Variants in DLEU7 observed in about 807,000 individuals in gnomAD.
DLEU7 encodes deleted in lymphocytic leukemia 7, also known as leukemia-associated protein 7.
A neutral mutation model predicts 16.0 loss-of-function variants in DLEU7; 17 were observed. The observed-to-expected ratio is 1.06, with a 90% CI of 0.73 to 1.59. The LOEUF (loss-of-function observed/expected upper bound fraction) is 1.59, where lower values mean the gene tolerates loss of function less well. DLEU7 is among the 40% of genes most tolerant of loss of function. The pLI is 0.00. For synonymous variants in DLEU7, 113 were observed against 139.8 expected, an observed-to-expected ratio of 0.81 and a Z score of 1.35; for missense variants, 308 against 314.9, an observed-to-expected ratio of 0.98 and a Z score of 0.17.
At chr13:50,763,303 G>T (rs1477648499) in intron 1 of DLEU7, among the ~76,000 whole-genome samples, 1 of 152,160 alleles carries the variant, frequency 6.6e-6, no homozygotes, top group East Asian at 1.9e-4. Context: ...AGAGAACTAT[G>T]ATCACATTTG....
chr13:50,806,040 C>T (rs1876381456), intron 1 of DLEU7, among the ~76,000 whole-genome samples: 1 of 152,172 alleles, frequency 6.6e-6, no homozygotes, highest in Non-Finnish European at 1.5e-5. Flanking sequence ...GTATGTATCA[C>T]TTAGAATTGT....
chr13:50,769,692 T>C (rs1875235394), intron 1 of DLEU7, among the ~76,000 whole-genome samples: 1 of 152,178 alleles, frequency 6.6e-6, no homozygotes, highest in Non-Finnish European at 1.5e-5. Context: ...TACTGTACAC[T>C]TGTAGTATAG....
At chr13:50,825,719 A>T (rs1321752817) in intron 1 of DLEU7, among the ~76,000 whole-genome samples, 2 of 152,182 alleles carry the variant, frequency 1.3e-5, no homozygotes, top group Non-Finnish European at 2.9e-5. Flanking sequence ...GCCACCTATT[A>T]TCTGATGATG....
intron 1 of DLEU7, among the ~76,000 whole-genome samples, chr13:50,753,728 C>T (rs1874662863): frequency 1.3e-5 from 2 of 152,336 alleles, no homozygotes; most frequent in South Asian, 2.1e-4. Flanking sequence ...CAGCTCAGGC[C>T]TTGACCATCC....
intron 1 of DLEU7, among the ~76,000 whole-genome samples, chr13:50,784,114 G>A (rs1875734426): frequency 6.6e-6 from 1 of 152,242 alleles, no homozygotes; most frequent in Admixed American, 6.5e-5. Context: ...GCTGTGAGAT[G>A]TTAATCAAAC....
chr13:50,837,217 C>A (rs1877501120), intron 1 of DLEU7, among the ~76,000 whole-genome samples: 1 of 152,198 alleles, frequency 6.6e-6, no homozygotes, highest in Non-Finnish European at 1.5e-5. Context: ...GGGTACCACA[C>A]CATTTCCAGC....
intron 1 of DLEU7, among the ~76,000 whole-genome samples, chr13:50,836,068 C>T (rs1262923717): frequency 1.3e-5 from 2 of 152,208 alleles, no homozygotes; most frequent in African/African-American, 4.8e-5. Context: ...TACCATGTCA[C>T]CTTCAAAATC....
At chr13:50,755,086 A>G (rs997721948) in intron 1 of DLEU7, among the ~76,000 whole-genome samples, 4 of 152,142 alleles carry the variant, frequency 2.6e-5, no homozygotes, top group South Asian at 4.1e-4. Flanking sequence ...TTTCCTTTAT[A>G]GGTTAACTGG....
chr13:50,746,815 G>T (rs571980391), intron 1 of DLEU7, among the ~76,000 whole-genome samples: 2 of 152,162 alleles, frequency 1.3e-5, no homozygotes, highest in Non-Finnish European at 2.9e-5. Context: ...ACCAAAAAAG[G>T]ATCAGCATTC....
Position 50,816,160 on chromosome 13 carries a change from T to C in DLEU7, c.459+27028A>G, listed in dbSNP as rs1330113283. 2.0e-5 allele frequency among the ~76,000 whole-genome samples: 3 copies of C among 152,120 alleles called. No individual in the cohort carries two copies. The East Asian group carries it at 5.8e-4, about 29-fold the overall frequency. On this transcript the variant is annotated intron_variant, in intron 1 of 1. Transcript: ENST00000400393. ...AGGCTATTAATTCCATTATGGTTTA[T>C]ATGACTGTTCTTTTATACATAAATA...
At chr13:50,735,449 T>G (rs933301084) in intron 1 of DLEU7, among the ~76,000 whole-genome samples, 1 of 152,128 alleles carries the variant, frequency 6.6e-6, no homozygotes. Flanking sequence ...AAATTCACTC[T>G]TTGTATACTA....
chr13:50,757,895 T>G (rs1874809831), intron 1 of DLEU7, among the ~76,000 whole-genome samples: 2 of 152,182 alleles, frequency 1.3e-5, no homozygotes, highest in African/African-American at 4.8e-5. Flanking sequence ...ATTCAGGCAG[T>G]GATTTACACC....
At chr13:50,752,453 ATTGGTGGGTTC>A (rs2137735578) in intron 1 of DLEU7, among the ~76,000 whole-genome samples, 1 of 152,202 alleles carries the variant, frequency 6.6e-6, no homozygotes, top group Admixed American at 6.5e-5. Context: ...TGTGTCCGGA[ATTGGTGGGTTC>A]TTGGTCTCAC....
chr13:50,821,044 T>C (rs1876889520), downstream of DLEU7, among the ~76,000 whole-genome samples: 2 of 152,060 alleles, frequency 1.3e-5, no homozygotes, highest in African/African-American at 4.8e-5. Context: ...ATACTGAACA[T>C]TGCAGGTCTA....
intron 1 of DLEU7, among the ~76,000 whole-genome samples, chr13:50,739,062 C>A (rs1874173509): frequency 6.6e-6 from 1 of 151,928 alleles, no homozygotes; most frequent in African/African-American, 2.4e-5. Context: ...TTATCATGTT[C>A]TTTCCTGCCT....
intron 1 of DLEU7, among the ~76,000 whole-genome samples, chr13:50,767,354 G>A (rs1249410956): frequency 6.6e-6 from 1 of 151,834 alleles, no homozygotes. Context: ...TACGCGGGAG[G>A]CTGAGGCAGG....
chr13:50,801,670 G>T (rs1876252038), intron 1 of DLEU7, among the ~76,000 whole-genome samples: 1 of 152,068 alleles, frequency 6.6e-6, no homozygotes, highest in Admixed American at 6.6e-5. Context: ...CATATATGTA[G>T]ATTCTGGAAA....
At chr13:50,753,025 A>G (rs1271404241) in intron 1 of DLEU7, among the ~76,000 whole-genome samples, 1 of 152,112 alleles carries the variant, frequency 6.6e-6, no homozygotes, top group Non-Finnish European at 1.5e-5. Flanking sequence ...TTAGCTACAT[A>G]AAGAGTGTTG....
chr13:50,764,856 T>C (rs11616485), intron 1 of DLEU7, among the ~76,000 whole-genome samples: 15,986 of 149,590 alleles, frequency 0.11, 1,105 homozygotes, highest in Middle Eastern at 0.16. Context: ...AAATGGGTCA[T>C]GTTGCACCTT....
Sources: allele counts gnomAD v4.1 joint callset (sites outside exome capture counted in the v4.1 genomes callset), GRCh38; gene constraint gnomAD v4.1.1; transcripts MANE v1.5; gene names NCBI Gene and HGNC (gene_info 2026-07-23, HGNC 2026-07-21).